The following AMOTL1 variants were observed in gnomAD, a reference collection of about 807,000 sequenced individuals.
AMOTL1 encodes angiomotin like 1.
AMOTL1 carries 45 observed loss-of-function variants against 102.9 expected under a neutral mutation model. The ratio of observed to expected loss-of-function variants is 0.44; its 90% CI spans 0.34 to 0.56. AMOTL1 has a LOEUF of 0.56. Ranked by LOEUF, AMOTL1 falls within the 20% of genes least tolerant of loss-of-function variation. The probability of loss-of-function intolerance (pLI) is 0.01; values close to 1 mark genes in which losing one functional copy is unlikely to be tolerated. For missense variants in AMOTL1, 1,114 were observed against 1,225.6 expected (o/e 0.91, Z 1.36); for synonymous variants, 481 against 484.7 (o/e 0.99, Z 0.10).
intron 6 of AMOTL1, 30 bp from the exon 7 acceptor site, chr11:94,850,084 G>A: frequency 1.3e-6 from 2 of 1,564,964 alleles, no homozygotes; most frequent in Non-Finnish European, 1.7e-6. Context: ...ATTTCTGATA[G>A]AGGTAGTTTT....
At chr11:94,751,858 A>T (rs1950660202) in intron 3 of AMOTL1, among the ~76,000 whole-genome samples, 1 of 151,958 alleles carries the variant, frequency 6.6e-6, no homozygotes, top group Non-Finnish European at 1.5e-5. Context: ...CCCTGCCAAA[A>T]AGATGTTTCT....
chr11:94,764,075 G>A (rs752352292), upstream of AMOTL1, among the ~76,000 whole-genome samples: 1 of 152,184 alleles, frequency 6.6e-6, no homozygotes, highest in East Asian at 1.9e-4. Flanking sequence ...GCCTTTGCTC[G>A]AAATATCCTC....
At chr11:94,796,978 G>A (rs1314578419) in intron 2 of AMOTL1, 9 of 985,178 alleles carry the variant, frequency 9.1e-6, no homozygotes, top group Admixed American at 1.2e-4. Context: ...TGAGAAAAAC[G>A]AGCGTGGCAG....
intron 3 of AMOTL1, among the ~76,000 whole-genome samples, chr11:94,817,769 CTAGAA>C (rs2135617718): frequency 6.6e-6 from 1 of 152,200 alleles, no homozygotes; most frequent in South Asian, 2.1e-4. Flanking sequence ...GACTGTGACA[CTAGAA>C]TAGAGGAAAA....
intron 6 of AMOTL1, among the ~76,000 whole-genome samples, chr11:94,834,509 G>C (rs946144342): frequency 6.6e-6 from 1 of 152,098 alleles, no homozygotes; most frequent in African/African-American, 2.4e-5. Context: ...GAAGAATGGC[G>C]TGAACCCGGG....
At chr11:94,859,036 T>C (rs1952721853) in intron 8 of AMOTL1, among the ~76,000 whole-genome samples, 1 of 152,132 alleles carries the variant, frequency 6.6e-6, no homozygotes, top group Admixed American at 6.6e-5. Context: ...AGGATGCAAT[T>C]TGGGGCATCT....
intron 9 of AMOTL1, among the ~76,000 whole-genome samples, chr11:94,860,548 T>A (rs1460999306): frequency 6.6e-6 from 1 of 152,184 alleles, no homozygotes; most frequent in Non-Finnish European, 1.5e-5. Flanking sequence ...GGCCACTGGA[T>A]CTCAGCTGCA....
chr11:94,737,962 A>G (rs1356172671), intron 2 of AMOTL1, among the ~76,000 whole-genome samples: 1 of 152,246 alleles, frequency 6.6e-6, no homozygotes, highest in Non-Finnish European at 1.5e-5. Flanking sequence ...GGCTGGAGAT[A>G]CATAGAGTCA....
chr11:94,750,409 G>C (rs1277097754), intron 3 of AMOTL1, among the ~76,000 whole-genome samples: 1 of 152,200 alleles, frequency 6.6e-6, no homozygotes, highest in Non-Finnish European at 1.5e-5. Context: ...TTACTTGAGA[G>C]CCTGACTGGT....
chr11:94,708,471 T>A (rs1949968588), intron 1 of AMOTL1, among the ~76,000 whole-genome samples: 1 of 152,178 alleles, frequency 6.6e-6, no homozygotes, highest in African/African-American at 2.4e-5. Context: ...GGACCAAATG[T>A]CTAAACCTTC....
chr11:94,730,168 C>T lies in AMOTL1; in HGVS notation c.85+1113C>T, dbSNP rs551592789. ...TCACACCCCATGGAAAAAAACTAAACCTCCCTAGTTCAACACACAGCCCTT... is the reference window on the plus strand; with the variant it reads ...TCACACCCCATGGAAAAAAACTAAATCTCCCTAGTTCAACACACAGCCCTT... On this transcript the variant is annotated intron_variant, in intron 2 of 4. Transcript: ENST00000299004. 5.9e-5 allele frequency among the ~76,000 whole-genome samples: 9 copies of T among 152,246 alleles called. No homozygotes were observed. In the South Asian group the frequency reaches 1.7e-3, roughly 28 times the overall value.
chr11:94,865,906 G>C, intron 10 of AMOTL1, 36 bp from the exon 11 acceptor site: 2 of 1,574,228 alleles, frequency 1.3e-6, no homozygotes, highest in Non-Finnish European at 1.7e-6. Context: ...CTAGCCAAGT[G>C]GCTTTTTATG....
chr11:94,791,174 T>C (rs986891971), intron 1 of AMOTL1, among the ~76,000 whole-genome samples: 1 of 152,172 alleles, frequency 6.6e-6, no homozygotes, highest in Non-Finnish European at 1.5e-5. Context: ...TGTTGACAAA[T>C]GACGTGCAGA....
At chr11:94,861,042 C>T (rs901699370) in intron 9 of AMOTL1, among the ~76,000 whole-genome samples, 9 of 152,140 alleles carry the variant, frequency 5.9e-5, no homozygotes, top group South Asian at 2.1e-4. Context: ...ACACTTGCAC[C>T]GAGAAAGACC....
At chr11:94,741,571 A>T (rs1282355074) in intron 3 of AMOTL1, among the ~76,000 whole-genome samples, 2 of 152,152 alleles carry the variant, frequency 1.3e-5, no homozygotes, top group African/African-American at 4.8e-5. Context: ...CATGCCTGTC[A>T]TGGTAAGTGG....
At chr11:94,786,000 T>C (rs1473157763) in intron 1 of AMOTL1, among the ~76,000 whole-genome samples, 1 of 152,212 alleles carries the variant, frequency 6.6e-6, no homozygotes, top group Non-Finnish European at 1.5e-5. Flanking sequence ...ACTGTGGTCC[T>C]GAGATACTTA....
intron 2 of AMOTL1, among the ~76,000 whole-genome samples, chr11:94,735,446 A>G (rs1457581709): frequency 1.3e-5 from 2 of 152,184 alleles, no homozygotes; most frequent in Non-Finnish European, 2.9e-5. Context: ...AGTTTTCCAG[A>G]TAACTGAAGC....
At chr11:94,724,828 C>G (rs1328455026) in intron 1 of AMOTL1, among the ~76,000 whole-genome samples, 1 of 151,984 alleles carries the variant, frequency 6.6e-6, no homozygotes, top group Non-Finnish European at 1.5e-5. Flanking sequence ...GTGTAAGTTA[C>G]CAGCAAGTAC....
intron 2 of AMOTL1, among the ~76,000 whole-genome samples, chr11:94,734,886 C>T (rs976902223): frequency 6.6e-6 from 1 of 152,220 alleles, no homozygotes; most frequent in Non-Finnish European, 1.5e-5. Flanking sequence ...GCCATACACA[C>T]ATCCTAGTGG....
Sources: allele counts gnomAD v4.1 joint callset (sites outside exome capture counted in the v4.1 genomes callset), GRCh38; gene constraint gnomAD v4.1.1; transcripts MANE v1.5; gene names NCBI Gene and HGNC (gene_info 2026-07-23, HGNC 2026-07-21).